NCEH1: variants seen among roughly 807,000 people sequenced by gnomAD.
NCEH1 encodes the protein 2-acetyl MAGE hydrolase.
A neutral mutation model predicts 25.4 loss-of-function variants in NCEH1; 9 were observed. That is an observed-to-expected ratio of 0.35 (90% CI 0.21 to 0.62). The LOEUF (loss-of-function observed/expected upper bound fraction) is 0.62, where lower values mean the gene tolerates loss of function less well. Among genes scored for constraint, NCEH1 ranks in the 20% least tolerant of loss-of-function variants. The probability of loss-of-function intolerance (pLI) is 0.72; values close to 1 mark genes in which losing one functional copy is unlikely to be tolerated. For missense variants in NCEH1, 412 were observed against 501.1 expected (o/e 0.82, Z 1.70); for synonymous variants, 200 against 199.8 (o/e 1.00, Z -0.01).
At chr3:172,669,693 C>T (rs1436580834) in intron 1 of NCEH1, among the ~76,000 whole-genome samples, 3 of 152,204 alleles carry the variant, frequency 2.0e-5, no homozygotes, top group Non-Finnish European at 4.4e-5. Flanking sequence ...CCTGCCACCA[C>T]ACCCAACTAA....
intron 2 of NCEH1, 58 bp downstream of exon 2, chr3:172,647,828 C>G (rs138751184): frequency 1.3e-6 from 2 of 1,599,486 alleles, no homozygotes; most frequent in Non-Finnish European, 1.7e-6. Context: ...AACTCAGTTA[C>G]GCATCTCCCC....
chr3:172,689,446 C>T (rs771140207), intron 1 of NCEH1, among the ~76,000 whole-genome samples: 4 of 151,318 alleles, frequency 2.6e-5, no homozygotes, highest in Non-Finnish European at 5.9e-5. Flanking sequence ...AGGGTTTTAC[C>T]ATATTGGCCA....
intron 1 of NCEH1, among the ~76,000 whole-genome samples, chr3:172,682,968 C>T (rs1172802882): frequency 1.3e-5 from 2 of 152,178 alleles, no homozygotes; most frequent in East Asian, 3.8e-4. Context: ...AAGTGTGTGC[C>T]CCTGCCACCA....
chr3:172,638,275 C>CA lies in NCEH1; in HGVS notation c.438-2189_438-2188insT, dbSNP rs1560178436. Among the ~76,000 whole-genome samples the CA allele has an allele frequency of 1.1e-3, 94 of 81,924 alleles. 15 individuals carry two copies. The highest frequency in any genetic ancestry group is 2.6e-3 in the African/African-American group (64 of 24,408). 53.7% of individuals were successfully genotyped at this position (81,924 alleles called of 152,430 possible). A position where few individuals can be genotyped will look rare whatever the true frequency, so the allele number is the denominator to read the frequency against. ...CCTGGGCGACAGAACGAGACTCTGTCCAAAAAAAAAAAAAAAAAAAAAAAA... is the reference window on the plus strand; with the variant it reads ...CCTGGGCGACAGAACGAGACTCTGTCACAAAAAAAAAAAAAAAAAAAAAAAA... On this transcript the variant is annotated intron_variant, in intron 3 of 4. Coordinates refer to ENST00000475381, the MANE Select transcript of NCEH1 (RefSeq NM_020792.6).
intron 1 of NCEH1, among the ~76,000 whole-genome samples, chr3:172,687,035 A>G (rs907786830): frequency 1.3e-5 from 2 of 152,224 alleles, no homozygotes; most frequent in Non-Finnish European, 2.9e-5. Flanking sequence ...GAACAACTGT[A>G]CAGTTAACGG....
chr3:172,681,714 A>C (rs1712387129), intron 1 of NCEH1, among the ~76,000 whole-genome samples: 1 of 136,528 alleles, frequency 7.3e-6, no homozygotes, highest in Admixed American at 7.4e-5. Flanking sequence ...AGATGGTAAA[A>C]CCCTGTCTCT....
intron 1 of NCEH1, among the ~76,000 whole-genome samples, chr3:172,691,946 C>CAAAAAAAA (rs61592238): frequency 6.3e-5 from 5 of 79,986 alleles, no homozygotes; most frequent in Admixed American, 1.9e-4. Flanking sequence ...GACTCCGTCT[C>CAAAAAAAA]AAAAAAAAAA....
chr3:172,654,098 T>C (rs1032910217), intron 1 of NCEH1, among the ~76,000 whole-genome samples: 17 of 152,110 alleles, frequency 1.1e-4, no homozygotes, highest in African/African-American at 4.1e-4. Context: ...AGGTAAGGTA[T>C]ACAAGCAAAA....
intron 1 of NCEH1, among the ~76,000 whole-genome samples, chr3:172,651,547 G>A (rs1337004006): frequency 6.6e-6 from 1 of 151,528 alleles, no homozygotes; most frequent in East Asian, 1.9e-4. Flanking sequence ...TTAAAAGCCT[G>A]TATCTTTTGG....
chr3:172,688,863 C>A (rs139143380), intron 1 of NCEH1, among the ~76,000 whole-genome samples: 1 of 152,322 alleles, frequency 6.6e-6, no homozygotes, highest in Non-Finnish European at 1.5e-5. Context: ...TCTGGACATG[C>A]AGGATTCTAC....
At chr3:172,699,019 G>T (rs1216654524) in intron 1 of NCEH1, among the ~76,000 whole-genome samples, 4 of 152,172 alleles carry the variant, frequency 2.6e-5, no homozygotes, top group Admixed American at 2.6e-4. Flanking sequence ...GAAAATTTAT[G>T]ATTTGGTGGG....
In NCEH1 at chr3:172,633,768, T is replaced by C; in HGVS notation, c.934A>G (p.Ile312Val). ...PVVQTTGNAR[I>V]VQELPQLLDA... The stretch of plus-strand genomic sequence containing the variant: ...AGCAACTGAGGAAGCTCCTGGACAA[T>C]CCTGGCATTGCCTGTGGTCTGTACA... Residue 312 changes from isoleucine (I) to valine (V), a missense_variant, in exon 5 of 5, where the codon ATT becomes GTT. Coordinates refer to ENST00000475381, the MANE Select transcript of NCEH1 (RefSeq NM_020792.6). 1 of 1,614,222 alleles carries C rather than the reference T, an allele frequency of 6.2e-7. No homozygotes were observed. The highest frequency in any genetic ancestry group is 8.5e-7 in the Non-Finnish European group (1 of 1,180,044).
intron 1 of NCEH1, among the ~76,000 whole-genome samples, chr3:172,679,957 A>C (rs484753): frequency 0.046 from 7,038 of 152,024 alleles, 535 homozygotes; most frequent in African/African-American, 0.16. Flanking sequence ...GGGTTTTAAG[A>C]ACGAATTCTT....
intron 3 of NCEH1, among the ~76,000 whole-genome samples, chr3:172,636,770 C>G (rs1466214501): frequency 6.6e-6 from 1 of 152,238 alleles, no homozygotes; most frequent in Non-Finnish European, 1.5e-5. Context: ...TGGAATCCTA[C>G]TCTGTACACC....
At chr3:172,697,970 A>ATTT (rs386398562) in intron 1 of NCEH1, among the ~76,000 whole-genome samples, 4,120 of 101,006 alleles carry the variant, frequency 0.041, 187 homozygotes, top group Non-Finnish European at 0.059. Context: ...TAAAAGCAGA[A>ATTT]TTTTTTTTTT....
chr3:172,675,750 AT>A (rs1711959849), intron 1 of NCEH1, among the ~76,000 whole-genome samples: 1 of 152,184 alleles, frequency 6.6e-6, no homozygotes, highest in Non-Finnish European at 1.5e-5. Flanking sequence ...TGTTACTTTT[AT>A]GTTAACGTTT....
intron 1 of NCEH1, among the ~76,000 whole-genome samples, chr3:172,689,282 G>A (rs1385683441): frequency 7.7e-6 from 1 of 129,258 alleles, no homozygotes. Flanking sequence ...TTTTGGGATG[G>A]AGCTTCGCTC....
intron 1 of NCEH1, among the ~76,000 whole-genome samples, chr3:172,690,583 G>A (rs1333222455): frequency 2.0e-5 from 3 of 152,032 alleles, no homozygotes; most frequent in Admixed American, 6.6e-5. Context: ...ATCTTCTGAG[G>A]GAAATCCTAA....
At chr3:172,676,389 T>C (rs1711998290) in intron 1 of NCEH1, among the ~76,000 whole-genome samples, 1 of 152,076 alleles carries the variant, frequency 6.6e-6, no homozygotes, top group Non-Finnish European at 1.5e-5. Context: ...CATGGCTACC[T>C]CCAGATAATA....
Sources: allele counts gnomAD v4.1 joint callset (sites outside exome capture counted in the v4.1 genomes callset), GRCh38; gene constraint gnomAD v4.1.1; transcripts MANE v1.5; gene names NCBI Gene and HGNC (gene_info 2026-07-23, HGNC 2026-07-21).